The following ANKRD52 variants were observed in gnomAD, a reference collection of about 807,000 sequenced individuals.
ANKRD52 encodes serine/threonine-protein phosphatase 6 regulatory ankyrin repeat subunit C.
ANKRD52 carries 7 observed loss-of-function variants against 116.0 expected under a neutral mutation model. That is an observed-to-expected ratio of 0.06 (90% CI 0.03 to 0.11). The LOEUF (loss-of-function observed/expected upper bound fraction) is 0.11. ANKRD52 is among the 10% of genes least tolerant of loss of function. The pLI, the probability that ANKRD52 is intolerant of heterozygous loss-of-function variation, is 1.00. For synonymous variants in ANKRD52, 528 were observed against 578.1 expected, an observed-to-expected ratio of 0.91 and a Z score of 1.24; for missense variants, 839 against 1,408.6, an observed-to-expected ratio of 0.60 and a Z score of 6.47.
Position 56,258,365 on chromosome 12 carries a change from G to C in ANKRD52, c.-96C>G, listed in dbSNP as rs922994543. 1.5e-6 allele frequency: 2 copies of C among 1,294,298 alleles called. No homozygotes were observed. Among genetic ancestry groups the C allele is most frequent in the Non-Finnish European group, 9.8e-7 (1 of 1,015,376 alleles). The allele number at this position is 1,294,298 out of a possible 1,614,324, so 80.2% of individuals were successfully genotyped here. On this transcript the variant is annotated 5_prime_UTR_variant, in exon 1 of 28. Transcript: ENST00000267116. ...CGGCCCAGGCGGCGGCTGCGGTGGC[G>C]GCTGCAGGGAGAGCGCGGCCCCGCC...
At chr12:56,258,127 G>T in intron 1 of ANKRD52, 116 bp downstream of exon 1, 4 of 1,498,754 alleles carry the variant, frequency 2.7e-6, no homozygotes, top group Non-Finnish European at 3.6e-6. Flanking sequence ...ATGGGGCGGG[G>T]CGGGAGCTGC....
chr12:56,256,047 A>G, intron 4 of ANKRD52, 63 bp from the exon 5 acceptor site: 4 of 1,483,056 alleles, frequency 2.7e-6, no homozygotes, highest in South Asian at 1.2e-5. Flanking sequence ...AGGAAATGGA[A>G]GGAGGAATAG....
chr12:56,257,131 T>C (rs1871991024), intron 3 of ANKRD52, 46 bp from the exon 4 acceptor site: 17 of 1,593,124 alleles, frequency 1.1e-5, no homozygotes, highest in Non-Finnish European at 1.4e-5. Flanking sequence ...GGGGAGGAGG[T>C]ATGAAGGAAG....
Position 56,237,942 on chromosome 12 carries a change from G to A in ANKRD52, c.*5200C>T, listed in dbSNP as rs1343720458. ...GCCGGTTGGGGGAGGATGTGAGTAG[G>A]GGCCTGGAGGGTGCAGGGTCATTAA... is the stretch of plus-strand genomic sequence containing the variant. On this transcript the variant is annotated 3_prime_UTR_variant, in exon 28 of 28. Coordinates refer to ENST00000267116, the MANE Select transcript of ANKRD52 (RefSeq NM_173595.4). 7.2e-6 allele frequency: 4 copies of A among 554,836 alleles called. No homozygotes were observed. The highest frequency in any genetic ancestry group is 7.3e-5 in the Admixed American group (2 of 27,320). The allele number at this position is 554,836 out of a possible 1,614,324, so 34.4% of individuals were successfully genotyped here. A position where few individuals can be genotyped will look rare whatever the true frequency, so the allele number is the denominator to read the frequency against.
Position 56,253,155 on chromosome 12 carries a change from A to G in ANKRD52, c.1101-69T>C, listed in dbSNP as rs1871783623. On this transcript the variant is annotated intron_variant, in intron 10 of 27. Coordinates refer to ENST00000267116, the MANE Select transcript of ANKRD52 (RefSeq NM_173595.4). This position sits in a 1 kb window ranked among gnomAD's most constrained non-coding sequence, Gnocchi z 5.5. ...CCAAGTAAGACCTCTTCTGTGACCTACCACCACCCTAGAGTCAGGGTAGGA... is the reference window on the plus strand; with the variant it reads ...CCAAGTAAGACCTCTTCTGTGACCTGCCACCACCCTAGAGTCAGGGTAGGA... 6.9e-7 allele frequency: 1 copy of G among 1,454,418 alleles called. No individual in the cohort carries two copies. The highest frequency in any genetic ancestry group is 9.3e-7 in the Non-Finnish European group (1 of 1,071,454). The allele number at this position is 1,454,418 out of a possible 1,614,324, so 90.1% of individuals were successfully genotyped here. A position where few individuals can be genotyped will look rare whatever the true frequency, so the allele number is the denominator to read the frequency against.
In ANKRD52 at chr12:56,255,057, CT is replaced by C; in HGVS notation, c.463-106del. On this transcript the variant is annotated intron_variant, in intron 5 of 27. Transcript: ENST00000267116. This position sits in a 1 kb window ranked among gnomAD's most constrained non-coding sequence, Gnocchi z 4.3. The stretch of plus-strand genomic sequence containing the variant: ...TGAAAAGGCTGAGGCAGCCTAATGC[CT>C]TTTTCCATGAGCAAAACAACCTGGA... 1.6e-5 allele frequency: 19 copies of C among 1,205,786 alleles called. No individual in the cohort carries two copies. Among genetic ancestry groups the C allele is most frequent in the Non-Finnish European group, 1.7e-5 (14 of 838,638 alleles). The allele number at this position is 1,205,786 out of a possible 1,614,324, so 74.7% of individuals were successfully genotyped here. A position where few individuals can be genotyped will look rare whatever the true frequency, so the allele number is the denominator to read the frequency against.
Position 56,244,563 on chromosome 12 carries a change from C to T in ANKRD52, c.2722+89G>A. 6.2e-7 allele frequency: 1 copy of T among 1,601,198 alleles called. No individual in the cohort carries two copies. The highest frequency in any genetic ancestry group is 8.5e-7 in the Non-Finnish European group (1 of 1,173,178). ...GACAACCCTCTTGCTTTCTGAACCCCAGCCCCAGCCAGCCTCCACAGGCAG... is the reference window on the plus strand; with the variant it reads ...GACAACCCTCTTGCTTTCTGAACCCTAGCCCCAGCCAGCCTCCACAGGCAG... On this transcript the variant is annotated intron_variant, in intron 24 of 27. Coordinates refer to ENST00000267116, the MANE Select transcript of ANKRD52 (RefSeq NM_173595.4). This position sits in a 1 kb window ranked among gnomAD's most constrained non-coding sequence, Gnocchi z 4.9.
In ANKRD52 at chr12:56,254,277, G is replaced by C; in HGVS notation, c.696C>G (p.Ile232Met). 4 of 1,613,354 alleles carry C rather than the reference G, an allele frequency of 2.5e-6. No homozygotes were observed. The highest frequency in any genetic ancestry group is 2.5e-6 in the Non-Finnish European group (3 of 1,179,734). The change falls in exon 8 of 28, where the codon ATC (isoleucine) becomes ATG (methionine). Residue 232 changes from isoleucine (I) to methionine (M), a missense_variant and splice_region_variant. By Grantham distance (10) the Ile-to-Met change is conservative. This residue lies in a region of ANKRD52 where 287 missense variants were observed against 598.1 expected (regional missense o/e 0.48). Coordinates refer to ENST00000267116, the MANE Select transcript of ANKRD52 (RefSeq NM_173595.4). This position sits in a 1 kb window ranked among gnomAD's most constrained non-coding sequence, Gnocchi z 4.6. ...TGTTTCCAAAAGCATTGGGTTCATC[G>C]ATCTGGATATTCAGGGGTGAGAGTA... ...VKYLLRMGAE[I>M]DEPNAFGNTA...
rs59626664 is a variant in ANKRD52 at position 56,243,191 on chromosome 12, C to T, written c.3182G>A (p.Ser1061Asn). 1 of 1,612,044 alleles carries T rather than the reference C, an allele frequency of 6.2e-7. No homozygotes were observed. The highest frequency in any genetic ancestry group is 1.1e-5 in the South Asian group (1 of 90,806). ...CCCAATGGCGCCGGGCCGCTCCTGG[C>T]TGTAGGGGCAGGAGGCCCCATGGGG... ...ALPHGASCPY[S>N]QERPGAIGLD... The change falls in exon 28 of 28, where the codon AGC (serine) becomes AAC (asparagine). Residue 1061 changes from serine (S) to asparagine (N), a missense_variant. Around this residue, in one of 2 missense-constraint regions of ANKRD52, gnomAD observed 552 missense variants for 810.6 expected, o/e 0.68. Transcript: ENST00000267116. The surrounding 1 kb of genome is among the most constrained non-coding windows in gnomAD (Gnocchi z 4.6).
At position 56,252,950 on chromosome 12, in the gene ANKRD52, G is replaced by C. The variant is rs1380823202; in HGVS notation, c.1184-53C>G. ...CATCTGAGAGTGTTCAGCAGGGAGG[G>C]AAAGGCCTTTGCTCTCCTATACACC... is the stretch of plus-strand genomic sequence containing the variant. On this transcript the variant is annotated intron_variant, in intron 11 of 27. Coordinates refer to ENST00000267116, the MANE Select transcript of ANKRD52 (RefSeq NM_173595.4). This position sits in a 1 kb window ranked among gnomAD's most constrained non-coding sequence, Gnocchi z 4.7. The C allele has an allele frequency of 5.0e-6, 8 of 1,597,604 alleles. No homozygotes were observed. Among genetic ancestry groups the C allele is most frequent in the Non-Finnish European group, 6.8e-6 (8 of 1,171,610 alleles).
intron 4 of ANKRD52, 133 bp from the exon 5 acceptor site, chr12:56,256,117 T>G: frequency 1.1e-6 from 1 of 877,728 alleles, no homozygotes; most frequent in Non-Finnish European, 1.8e-6. Flanking sequence ...TTTTCCAACA[T>G]ACCTAGCCTC....
intron 15 of ANKRD52, among the ~76,000 whole-genome samples, chr12:56,249,766 G>C (rs541779317): frequency 6.6e-6 from 1 of 152,216 alleles, no homozygotes; most frequent in South Asian, 2.1e-4. Context: ...TAGGCTGGGC[G>C]TGGTGGCTCA....
rs1871196511 is a variant in ANKRD52, at chr12:56,242,196, A to G, written c.*946T>C. The G allele has an allele frequency of 2.5e-6, 1 of 398,594 alleles. No individual in the cohort carries two copies. The highest frequency in any genetic ancestry group is 4.4e-6 in the Non-Finnish European group (1 of 226,068). 24.7% of individuals were successfully genotyped at this position (398,594 alleles called of 1,614,324 possible). On this transcript the variant is annotated 3_prime_UTR_variant, in exon 28 of 28. Coordinates refer to ENST00000267116, the MANE Select transcript of ANKRD52 (RefSeq NM_173595.4). The surrounding 1 kb of genome is among the most constrained non-coding windows in gnomAD (Gnocchi z 4.3). The stretch of plus-strand genomic sequence containing the variant: ...ATATACATGCAAACACATGCCTGAA[A>G]CACAGTGGACATACTAGGGCTGTGG...
Position 56,254,090 on chromosome 12 carries a change from T to C in ANKRD52, c.883A>G (p.Asn295Asp). 1 of 1,613,580 alleles carries C rather than the reference T, an allele frequency of 6.2e-7. No individual in the cohort carries two copies. The highest frequency in any genetic ancestry group is 8.5e-7 in the Non-Finnish European group (1 of 1,179,756). The change falls in exon 8 of 28, where the codon AAT (asparagine) becomes GAT (aspartate). Residue 295 changes from asparagine to aspartate, a missense_variant. This residue lies in a region of ANKRD52 where 287 missense variants were observed against 598.1 expected (regional missense o/e 0.48). Transcript: ENST00000267116. The surrounding 1 kb of genome is among the most constrained non-coding windows in gnomAD (Gnocchi z 4.6). ...GALCLELLVN[N>D]GADVNYQSKE... is the part of the protein sequence containing the mutation. ...ACCTGGTAGTTGACGTCAGCCCCAT[T>C]ATTAACCAGTAGCTCCAAGCAGAGA...
chr12:56,245,156 G>A lies in ANKRD52; in HGVS notation c.2439C>T (p.His813=), dbSNP rs1334617088. Reference sequence around the variant, plus strand: ...TTCCTTCCAGGTACGAAAACGGGCTGTGTTCAAGTAACAACTCCAGACAAT... The same window carrying A: ...TTCCTTCCAGGTACGAAAACGGGCTATGTTCAAGTAACAACTCCAGACAAT... ...HEDCLELLLE[H]SPFSYLEGNP... The change falls in exon 22 of 28, where the codon CAC becomes CAT. Residue 813 remains histidine, a synonymous_variant. Coordinates refer to ENST00000267116, the MANE Select transcript of ANKRD52 (RefSeq NM_173595.4). 6.2e-7 allele frequency: 1 copy of A among 1,613,898 alleles called. No individual in the cohort carries two copies. The highest frequency in any genetic ancestry group is 2.2e-5 in the East Asian group (1 of 44,898).
chr12:56,256,875 G>T, intron 4 of ANKRD52, 140 bp downstream of exon 4: 1 of 891,262 alleles, frequency 1.1e-6, no homozygotes, highest in Non-Finnish European at 1.7e-6. Context: ...GGGGTAGGAG[G>T]AAGGGGCCAA....
In ANKRD52 at chr12:56,252,697, T is replaced by G. The variant is rs143237520; in HGVS notation, c.1301+83A>C. ...ACTGCTTTCATTGTGAGAGGGGGAA[T>G]AGATCTGGGCAGGCAAGAATGAGGG... On this transcript the variant is annotated intron_variant, in intron 12 of 27. Transcript: ENST00000267116. This position sits in a 1 kb window ranked among gnomAD's most constrained non-coding sequence, Gnocchi z 4.7. 1.9e-6 allele frequency: 3 copies of G among 1,541,464 alleles called. No homozygotes were observed. Among genetic ancestry groups the G allele is most frequent in the Admixed American group, 1.7e-5 (1 of 59,136 alleles).
intron 4 of ANKRD52, 57 bp from the exon 5 acceptor site, chr12:56,256,041 A>G: frequency 8.0e-6 from 12 of 1,507,612 alleles, no homozygotes; most frequent in Non-Finnish European, 9.9e-6. Flanking sequence ...AACAACAGGA[A>G]ATGGAAGGAG....
In ANKRD52 at chr12:56,241,598, C is replaced by T; in HGVS notation, c.*1544G>A. On this transcript the variant is annotated 3_prime_UTR_variant, in exon 28 of 28. Transcript: ENST00000267116. ...AGTTCTCAGGGGACAATACTGATGG[C>T]AGCCAAACTGGGCAAGGATGCAGTG... 5.6e-6 allele frequency: 1 copy of T among 179,744 alleles called. No homozygotes were observed. The highest frequency in any genetic ancestry group is 2.3e-5 in the African/African-American group (1 of 42,746). The allele number at this position is 179,744 out of a possible 1,614,324, so 11.1% of individuals were successfully genotyped here.
Sources: gnomAD v4.1 joint callset for allele counts (sites outside exome capture counted in the v4.1 genomes callset) on GRCh38, gnomAD v4.1.1 for gene constraint, gnomAD v4.1.1 regional missense constraint, Gnocchi (gnomAD v3.1) non-coding constraint, MANE v1.5 for transcripts, NCBI Gene and HGNC (gene_info 2026-07-23, HGNC 2026-07-21) for gene names.